Variants in ENPP2 observed in about 807,000 individuals in gnomAD.
The protein encoded by ENPP2 is autotaxin.
ENPP2 carries 51 observed loss-of-function variants against 120.2 expected under a neutral mutation model. The ratio of observed to expected loss-of-function variants is 0.42; its 90% CI spans 0.34 to 0.54. The LOEUF (loss-of-function observed/expected upper bound fraction) is 0.54, where lower values mean the gene tolerates loss of function less well. Ranked by LOEUF, ENPP2 falls within the 20% of genes least tolerant of loss-of-function variation. The pLI, the probability that ENPP2 is intolerant of heterozygous loss-of-function variation, is 0.04. For synonymous variants in ENPP2, 365 were observed against 366.4 expected, an observed-to-expected ratio of 1.00 and a Z score of 0.04; for missense variants, 920 against 1,066.5, an observed-to-expected ratio of 0.86 and a Z score of 1.91.
chr8:119,673,191 G>A (rs1818304386), intron 1 of ENPP2: 3 of 1,374,604 alleles, frequency 2.2e-6, no homozygotes, highest in Non-Finnish European at 3.0e-6. Context: ...TTGACAGAAT[G>A]GCAGCTGTGA....
intron 11 of ENPP2, 28 bp from the exon 12 acceptor site, chr8:119,593,888 A>C (rs746265226): frequency 7.7e-7 from 1 of 1,293,620 alleles, no homozygotes; most frequent in South Asian, 1.2e-5. Flanking sequence ...GTTAGTCCCC[A>C]CAGGGTTTTC....
intron 19 of ENPP2, among the ~76,000 whole-genome samples, chr8:119,575,047 A>G (rs571271110): frequency 1.3e-5 from 2 of 152,220 alleles, no homozygotes; most frequent in African/African-American, 2.4e-5. Flanking sequence ...TGCCCATCAC[A>G]TAATATCTAC....
chr8:119,635,728 C>A (rs1467769646), intron 2 of ENPP2, among the ~76,000 whole-genome samples: 1 of 152,190 alleles, frequency 6.6e-6, no homozygotes, highest in Non-Finnish European at 1.5e-5. Context: ...TTTCATATCT[C>A]CTAATAAATC....
At chr8:119,665,382 T>C (rs555915767) in intron 1 of ENPP2, among the ~76,000 whole-genome samples, 8 of 152,214 alleles carry the variant, frequency 5.3e-5, no homozygotes, top group Non-Finnish European at 1.0e-4. Context: ...ATTATTTACT[T>C]TGGAATAAGG....
chr8:119,667,967 T>G (rs1818123270), intron 1 of ENPP2, among the ~76,000 whole-genome samples: 1 of 152,140 alleles, frequency 6.6e-6, no homozygotes, highest in Non-Finnish European at 1.5e-5. Flanking sequence ...ACACCTCTGC[T>G]TGAAGCTCTC....
intron 24 of ENPP2, among the ~76,000 whole-genome samples, chr8:119,561,843 T>C (rs1336624174): frequency 6.6e-6 from 1 of 151,798 alleles, no homozygotes; most frequent in Non-Finnish European, 1.5e-5. Flanking sequence ...GTGTGTGTAT[T>C]AAAAAGTTTT....
At chr8:119,566,015 G>A (rs555071865) in intron 22 of ENPP2, among the ~76,000 whole-genome samples, 272 of 152,078 alleles carry the variant, frequency 1.8e-3, no homozygotes, top group Non-Finnish European at 3.0e-3. Context: ...CCTATCACTC[G>A]CAAGACTTTC....
At position 119,557,665 on chromosome 8, in the gene ENPP2, T is replaced by C; in HGVS notation, c.2448A>G (p.Val816=). ...CNSSEDESKW[V]EELMKMHTAR... is the part of the protein sequence containing the mutation. ...CTGTGTGCATCTTCATGAGTTCTTC[T>C]ACCCATTTTGATTCGTCCTCTGAGC... Residue 816 remains valine (V), a synonymous_variant, in exon 25 of 25, where the codon GTA becomes GTG. Coordinates refer to ENST00000075322, the MANE Select transcript of ENPP2 (RefSeq NM_001040092.3). 6.3e-7 allele frequency: 1 copy of C among 1,586,080 alleles called. No homozygotes were observed. The highest frequency in any genetic ancestry group is 1.2e-5 in the South Asian group (1 of 85,680).
At chr8:119,640,393 G>A (rs1365772608), upstream of ENPP2, among the ~76,000 whole-genome samples, 2 of 152,156 alleles carry the variant, frequency 1.3e-5, no homozygotes, top group Non-Finnish European at 2.9e-5. Context: ...AGACATGATA[G>A]AGGAAAACAA....
intron 1 of ENPP2, among the ~76,000 whole-genome samples, chr8:119,645,557 G>T (rs1817419967): frequency 6.6e-6 from 1 of 152,184 alleles, no homozygotes. Flanking sequence ...GGGCACGGTG[G>T]CTCACGCCTG....
chr8:119,560,707 C>T (rs1195582007), intron 24 of ENPP2, among the ~76,000 whole-genome samples: 3 of 152,068 alleles, frequency 2.0e-5, no homozygotes, highest in African/African-American at 7.2e-5. Context: ...CGAAAAAATT[C>T]CTAAATTCCC....
At chr8:119,586,957 CCG>C in intron 14 of ENPP2, 85 bp downstream of exon 14, 1 of 1,134,662 alleles carries the variant, frequency 8.8e-7, no homozygotes, top group Non-Finnish European at 1.3e-6. Flanking sequence ...CCACCCCTCC[CCG>C]CCGGGGGAGG....
chr8:119,593,666 G>A, intron 12 of ENPP2, 86 bp downstream of exon 12: 1 of 846,984 alleles, frequency 1.2e-6, no homozygotes, highest in Non-Finnish European at 2.0e-6. Context: ...TGGAGTCTTG[G>A]CTTCTAAGGG....
chr8:119,582,004 A>C (rs1183282517), intron 18 of ENPP2, among the ~76,000 whole-genome samples: 1 of 152,100 alleles, frequency 6.6e-6, no homozygotes, highest in Admixed American at 6.5e-5. Flanking sequence ...AAGTGCTGGG[A>C]TTATAGGCGT....
rs576105643 is a variant in ENPP2 at position 119,591,887 on chromosome 8, T to C, written c.1082-1257A>G. ...GGGAAAGTCCCCAAATACCTATTAA[T>C]AGAGGGCTGAAAGTCTTTCCCATTT... On this transcript the variant is annotated intron_variant, in intron 12 of 24. Transcript: ENST00000075322. 5.9e-5 allele frequency among the ~76,000 whole-genome samples: 9 copies of C among 152,294 alleles called. 1 individual carries two copies. The South Asian group carries it at 1.9e-3, about 32-fold the overall frequency.
chr8:119,568,900 C>T (rs1814713921), intron 21 of ENPP2, among the ~76,000 whole-genome samples: 1 of 152,170 alleles, frequency 6.6e-6, no homozygotes, highest in Admixed American at 6.5e-5. Flanking sequence ...GTGGCTCATG[C>T]CTGGCCTCAA....
At chr8:119,626,799 C>A in intron 2 of ENPP2, 79 bp from the exon 3 acceptor site, 1 of 1,299,434 alleles carries the variant, frequency 7.7e-7, no homozygotes, top group South Asian at 1.2e-5. Flanking sequence ...GGAAGCTGTG[C>A]GGTGTGATGC....
At chr8:119,610,422 G>T (rs1453878898) in intron 8 of ENPP2, among the ~76,000 whole-genome samples, 2 of 151,786 alleles carry the variant, frequency 1.3e-5, no homozygotes, top group Admixed American at 6.6e-5. Context: ...TTTTCCCAAG[G>T]GGGGGAAAAA....
intron 2 of ENPP2, among the ~76,000 whole-genome samples, chr8:119,635,239 C>T (rs570363412): frequency 2.0e-5 from 3 of 152,352 alleles, no homozygotes; most frequent in African/African-American, 7.2e-5. Context: ...TGACAGTCTA[C>T]ATTTCATATG....
Sources: allele counts gnomAD v4.1 joint callset (sites outside exome capture counted in the v4.1 genomes callset), GRCh38; gene constraint gnomAD v4.1.1; transcripts MANE v1.5; gene names NCBI Gene and HGNC (gene_info 2026-07-23, HGNC 2026-07-21).